TIAM1: variants seen among roughly 807,000 people sequenced by gnomAD.
TIAM1 encodes TIAM Rac1 associated GEF 1, also known as rho guanine nucleotide exchange factor TIAM1.
Under a neutral mutation model 163.5 loss-of-function variants are expected in TIAM1, and 65 were observed. That is an observed-to-expected ratio of 0.40 (90% CI 0.33 to 0.49). The LOEUF (loss-of-function observed/expected upper bound fraction) is 0.49. Ranked by LOEUF, TIAM1 falls within the 20% of genes least tolerant of loss-of-function variation. TIAM1 has a pLI of 0.77. For synonymous variants in TIAM1, 833 were observed against 810.1 expected, an observed-to-expected ratio of 1.03 and a Z score of -0.48; for missense variants, 1,789 against 2,044.7, an observed-to-expected ratio of 0.87 and a Z score of 2.41.
chr21:31,543,560 G>A (rs1004564866), intron 1 of TIAM1, among the ~76,000 whole-genome samples: 2 of 152,116 alleles, frequency 1.3e-5, no homozygotes, highest in East Asian at 3.9e-4. Context: ...AAGTCACGGA[G>A]GAAGCAGAAC....
intron 20 of TIAM1, among the ~76,000 whole-genome samples, chr21:31,146,349 G>A (rs188751039): frequency 1.1e-4 from 16 of 141,450 alleles, no homozygotes; most frequent in South Asian, 2.3e-4. Context: ...CAGAAGAATC[G>A]CTTGACCTGG....
intron 6 of TIAM1, among the ~76,000 whole-genome samples, chr21:31,234,412 G>A (rs2088628967): frequency 6.6e-6 from 1 of 151,410 alleles, no homozygotes; most frequent in Admixed American, 6.6e-5. Context: ...GGGAAGGTGG[G>A]AGAGAAAGCT....
At chr21:31,280,023 C>G (rs968607263) in intron 2 of TIAM1, among the ~76,000 whole-genome samples, 2 of 150,560 alleles carry the variant, frequency 1.3e-5, no homozygotes, top group African/African-American at 5.0e-5. Context: ...CAGACACACA[C>G]GCGTGCGCGC....
At chr21:31,130,139 G>T in intron 25 of TIAM1, 74 bp downstream of exon 25, 18 of 1,187,878 alleles carry the variant, frequency 1.5e-5, no homozygotes, top group African/African-American at 3.0e-5. Context: ...GACCAAGAGT[G>T]TGGATTCAAA....
chr21:31,317,384 C>T (rs145898629), intron 2 of TIAM1, among the ~76,000 whole-genome samples: 1,628 of 152,218 alleles, frequency 0.011, 32 homozygotes, highest in African/African-American at 0.037. Flanking sequence ...ACTCGGGAGG[C>T]GGAGGTTGTG....
chr21:31,334,407 C>G (rs576106355), intron 2 of TIAM1, among the ~76,000 whole-genome samples: 3 of 152,232 alleles, frequency 2.0e-5, no homozygotes, highest in African/African-American at 7.2e-5. Flanking sequence ...CCTGCTCAGC[C>G]TCCGGAATCG....
chr21:31,455,922 T>G (rs1334828673), intron 2 of TIAM1, among the ~76,000 whole-genome samples: 1 of 152,140 alleles, frequency 6.6e-6, no homozygotes, highest in Non-Finnish European at 1.5e-5. Flanking sequence ...ATCCTTTTGC[T>G]TACAAAGGAC....
chr21:31,430,340 C>G (rs1224282501), intron 2 of TIAM1, among the ~76,000 whole-genome samples: 1 of 150,698 alleles, frequency 6.6e-6, no homozygotes, highest in Non-Finnish European at 1.5e-5. Context: ...CCTCACCGAA[C>G]CCAAACTGAT....
At chr21:31,264,751 G>T (rs1038824465) in intron 4 of TIAM1, among the ~76,000 whole-genome samples, 2 of 152,124 alleles carry the variant, frequency 1.3e-5, no homozygotes, top group African/African-American at 4.8e-5. Context: ...CATTTGACTT[G>T]CACTGGAGCA....
At chr21:31,223,713 A>G in intron 7 of TIAM1, 122 bp from the exon 8 acceptor site, 2 of 979,908 alleles carry the variant, frequency 2.0e-6, no homozygotes, top group East Asian at 5.9e-5. Flanking sequence ...GGAATAAACA[A>G]CAGGTACCTA....
chr21:31,341,434 T>C (rs2076011576), intron 1 of TIAM1, among the ~76,000 whole-genome samples: 1 of 152,214 alleles, frequency 6.6e-6, no homozygotes, highest in Non-Finnish European at 1.5e-5. Context: ...ATGCATTAAA[T>C]ATGAACCAAA....
rs952604465 is a variant in TIAM1 at position 31,319,905 on chromosome 21, T to C, written c.-189+19338A>G. Among the ~76,000 whole-genome samples, 184 of 152,258 alleles carry C rather than the reference T, an allele frequency of 1.2e-3. 1 individual carries two copies. Among genetic ancestry groups the C allele is most frequent in the Non-Finnish European group, 5.9e-5 (4 of 68,006 alleles). On this transcript the variant is annotated intron_variant, in intron 2 of 27. Transcript: ENST00000541036. ...ATCTTTTCATGTGCTAATTTGGCTA[T>C]GTGTATATTTTCTTTGGAGAAGTGT...
chr21:31,449,290 G>T (rs2044740557), intron 2 of TIAM1, among the ~76,000 whole-genome samples: 1 of 151,944 alleles, frequency 6.6e-6, no homozygotes, highest in South Asian at 2.1e-4. Context: ...TGAGAAAGAA[G>T]CAACAGATAC....
At chr21:31,198,322 C>A (rs1300821012) in intron 12 of TIAM1, among the ~76,000 whole-genome samples, 2 of 152,056 alleles carry the variant, frequency 1.3e-5, no homozygotes, top group African/African-American at 4.8e-5. Flanking sequence ...TAATAGAATG[C>A]CAAGGAGTGT....
intron 2 of TIAM1, among the ~76,000 whole-genome samples, chr21:31,380,162 G>T (rs2076753706): frequency 6.6e-6 from 1 of 152,044 alleles, no homozygotes. Flanking sequence ...TACTCGGGAG[G>T]CTGGGCATGA....
chr21:31,550,206 A>G (rs1264841722), intron 1 of TIAM1, among the ~76,000 whole-genome samples: 2 of 152,222 alleles, frequency 1.3e-5, no homozygotes, highest in Non-Finnish European at 2.9e-5. Context: ...GTAACTACAC[A>G]CAAAGGCCAA....
At chr21:31,548,371 C>T (rs764921731) in intron 1 of TIAM1, among the ~76,000 whole-genome samples, 4 of 151,926 alleles carry the variant, frequency 2.6e-5, no homozygotes, top group Non-Finnish European at 2.9e-5. Context: ...GAACTCCTGA[C>T]CTCAAGTGAT....
intron 1 of TIAM1, among the ~76,000 whole-genome samples, chr21:31,506,812 G>C (rs1215503852): frequency 6.6e-6 from 1 of 152,206 alleles, no homozygotes; most frequent in African/African-American, 2.4e-5. Flanking sequence ...TAGCTACCTG[G>C]GTGGTTGAGG....
chr21:31,344,728 C>A (rs845933), upstream of TIAM1, among the ~76,000 whole-genome samples: 148,087 of 152,312 alleles, frequency 0.97, 72,022 homozygotes, highest in East Asian at 1. Context: ...CCTTTTCTTT[C>A]ATATGTACTA....
Sources: gnomAD v4.1 joint callset for allele counts (sites outside exome capture counted in the v4.1 genomes callset) on GRCh38, gnomAD v4.1.1 for gene constraint, MANE v1.5 for transcripts, NCBI Gene and HGNC (gene_info 2026-07-23, HGNC 2026-07-21) for gene names.